Variants in SLF2 observed in about 807,000 individuals in gnomAD.
The protein encoded by SLF2 is SMC5-SMC6 complex localization factor protein 2.
A neutral mutation model predicts 124.3 loss-of-function variants in SLF2; 68 were observed. The ratio of observed to expected loss-of-function variants is 0.55; its 90% CI spans 0.45 to 0.67. The LOEUF is 0.67. SLF2 is among the 30% of genes least tolerant of loss of function. The pLI is 0.00. For synonymous variants in SLF2, 480 were observed against 478.8 expected, an observed-to-expected ratio of 1.00 and a Z score of -0.03; for missense variants, 1,246 against 1,373.7, an observed-to-expected ratio of 0.91 and a Z score of 1.47.
intron 5 of SLF2, 66 bp from the exon 6 acceptor site, chr10:100,925,883 A>G: frequency 2.1e-6 from 3 of 1,437,936 alleles, no homozygotes; most frequent in Non-Finnish European, 1.9e-6. Context: ...ACCCTTAATT[A>G]CTTAAAACAT....
Position 100,924,655 on chromosome 10 carries a change from C to G in SLF2, c.1654C>G (p.Pro552Ala), listed in dbSNP as rs1849580475. Residue 552 changes from proline (P) to alanine (A), a missense_variant, in exon 5 of 20, where the codon CCT becomes GCT. Around this residue, in one of 3 missense-constraint regions of SLF2, gnomAD observed 698 missense variants for 708.9 expected, o/e 0.98. Coordinates refer to ENST00000238961, the MANE Select transcript of SLF2 (RefSeq NM_018121.4). ...ACCTTTGCGCTCAGAATATGGCACT[C>G]CTACAAAGTCTCCCCCTGCTGCTTT... ...GGPLRSEYGTPTKSPPAALEV... is the reference protein window; with the variant it reads ...GGPLRSEYGTATKSPPAALEV... 1.2e-6 allele frequency: 2 copies of G among 1,613,958 alleles called. No homozygotes were observed. Among genetic ancestry groups the G allele is most frequent in the African/African-American group, 2.7e-5 (2 of 74,900 alleles).
chr10:100,950,803 A>T, intron 17 of SLF2, 50 bp downstream of exon 17: 1 of 1,385,398 alleles, frequency 7.2e-7, no homozygotes, highest in Non-Finnish European at 1.0e-6. Flanking sequence ...GGTGTTACTG[A>T]TGATGGAATG....
chr10:100,932,737 G>GCA (rs1554878728), intron 9 of SLF2, among the ~76,000 whole-genome samples: 23 of 151,342 alleles, frequency 1.5e-4, no homozygotes, highest in South Asian at 6.3e-4. Context: ...GCGCGCGCGC[G>GCA]CACATTTGTA....
At chr10:100,925,123 AG>A (rs961489918) in intron 5 of SLF2, 151 bp downstream of exon 5, 1 of 900,928 alleles carries the variant, frequency 1.1e-6, no homozygotes, top group Non-Finnish European at 1.6e-6. Context: ...TTGGTAAATG[AG>A]TTTCCATATC....
At chr10:100,929,205 T>C (rs1849678940) in intron 6 of SLF2, 112 bp from the exon 7 acceptor site, 4 of 969,544 alleles carry the variant, frequency 4.1e-6, no homozygotes, top group South Asian at 4.8e-5. Flanking sequence ...AAATTTGTTA[T>C]ATACCAGGGT....
intron 3 of SLF2, 77 bp from the exon 4 acceptor site, chr10:100,918,307 T>A (rs2133753710): frequency 3.3e-6 from 3 of 903,462 alleles, no homozygotes; most frequent in Non-Finnish European, 5.1e-6. Flanking sequence ...AAATCTGTGT[T>A]TAAATGTTAG....
chr10:100,957,723 G>C (rs970211541), intron 18 of SLF2, among the ~76,000 whole-genome samples: 1 of 151,896 alleles, frequency 6.6e-6, no homozygotes, highest in African/African-American at 2.4e-5. Flanking sequence ...AATGATTTCA[G>C]CACTAAGCTT....
At chr10:100,954,023 G>A (rs1265536864) in intron 17 of SLF2, among the ~76,000 whole-genome samples, 1 of 151,886 alleles carries the variant, frequency 6.6e-6, no homozygotes, top group East Asian at 2.0e-4. Context: ...TTGGTAGGCC[G>A]AGGCATGCAG....
chr10:100,961,335 T>G (rs1189691399), intron 19 of SLF2, among the ~76,000 whole-genome samples: 1 of 152,174 alleles, frequency 6.6e-6, no homozygotes, highest in African/African-American at 2.4e-5. Flanking sequence ...TAGCAAGTTA[T>G]CAGATTGATG....
intron 17 of SLF2, among the ~76,000 whole-genome samples, chr10:100,951,568 G>A (rs1850214664): frequency 6.6e-6 from 1 of 152,174 alleles, no homozygotes; most frequent in Non-Finnish European, 1.5e-5. Flanking sequence ...GGATGAGCCG[G>A]GGGTTCAGAT....
intron 9 of SLF2, among the ~76,000 whole-genome samples, chr10:100,935,195 A>AC (rs1849820846): frequency 6.6e-6 from 1 of 152,000 alleles, no homozygotes; most frequent in Non-Finnish European, 1.5e-5. Flanking sequence ...GGAGTTTGAG[A>AC]CCACCCTAGC....
At chr10:100,952,359 T>G (rs1159024670) in intron 17 of SLF2, among the ~76,000 whole-genome samples, 1 of 150,720 alleles carries the variant, frequency 6.6e-6, no homozygotes, top group East Asian at 2.0e-4. Context: ...CTGGCCAACA[T>G]GATGAAACCC....
chr10:100,961,900 A>C lies in SLF2; in HGVS notation c.3510A>C (p.Val1170=), dbSNP rs746914251. The C allele has an allele frequency of 1.9e-6, 3 of 1,608,486 alleles. No individual in the cohort carries two copies. Among genetic ancestry groups the C allele is most frequent in the Non-Finnish European group, 2.6e-6 (3 of 1,176,166 alleles). Residue 1170 remains valine, a synonymous_variant, in exon 20 of 20, where the codon GTA becomes GTC. Transcript: ENST00000238961. Reference sequence around the variant, plus strand: ...AGGGGCAGCTTCATGACTTCTGGGTACCAGATTCTTAATAGGAGTTGCAGC... The same window carrying C: ...AGGGGCAGCTTCATGACTTCTGGGTCCCAGATTCTTAATAGGAGTTGCAGC... ...PTQGQLHDFW[V]PDS
intron 17 of SLF2, among the ~76,000 whole-genome samples, chr10:100,952,104 C>G (rs909330539): frequency 5.3e-5 from 8 of 151,086 alleles, no homozygotes; most frequent in African/African-American, 1.7e-4. Context: ...GTTAGCCGGG[C>G]GTGTTGGTGC....
At chr10:100,918,470 C>G in intron 4 of SLF2, 29 bp downstream of exon 4, 1 of 1,459,232 alleles carries the variant, frequency 6.9e-7, no homozygotes, top group Non-Finnish European at 9.4e-7. Flanking sequence ...TTATGGATTT[C>G]TAAATAAATT....
At chr10:100,928,068 C>CACACACACACACACACACACA in intron 6 of SLF2, among the ~76,000 whole-genome samples, 1 of 59,534 alleles carries the variant, frequency 1.7e-5, no homozygotes, top group African/African-American at 5.6e-5. Flanking sequence ...CACACACACA[C>CACACACACACACACACACACA]GAGAGAGAGA....
At chr10:100,953,196 ATTT>A (rs1255327723) in intron 17 of SLF2, among the ~76,000 whole-genome samples, 4 of 151,280 alleles carry the variant, frequency 2.6e-5, no homozygotes, top group Admixed American at 1.3e-4. Flanking sequence ...TAATTTTTGT[ATTT>A]TTAGTAGAGA....
intron 8 of SLF2, 137 bp downstream of exon 8, chr10:100,930,134 C>T (rs1302244879): frequency 1.9e-6 from 1 of 515,706 alleles, no homozygotes; most frequent in Non-Finnish European, 3.3e-6. Flanking sequence ...TACTATTGAT[C>T]TTTATGTTTT....
At chr10:100,913,922 G>A in intron 1 of SLF2, 1 of 957,302 alleles carries the variant, frequency 1.0e-6, no homozygotes, top group Non-Finnish European at 1.2e-6. Flanking sequence ...AAGTTAAATT[G>A]TATTAAGTTT....
Sources: allele counts gnomAD v4.1 joint callset (sites outside exome capture counted in the v4.1 genomes callset), GRCh38; gene constraint gnomAD v4.1.1; regional missense constraint gnomAD v4.1.1; transcripts MANE v1.5; gene names NCBI Gene and HGNC (gene_info 2026-07-23, HGNC 2026-07-21).